MTMR8: variants seen among roughly 807,000 people sequenced by gnomAD.
The protein encoded by MTMR8 is myotubularin related protein 8, also known as phosphatidylinositol-3,5-bisphosphate 3-phosphatase MTMR8.
A neutral mutation model predicts 39.3 loss-of-function variants in MTMR8; 65 were observed. The observed-to-expected ratio is 1.65, with a 90% confidence interval of 1.35 to 2.03. The LOEUF (loss-of-function observed/expected upper bound fraction) is 2.03, where lower values mean the gene tolerates loss of function less well. Among genes scored for constraint, MTMR8 ranks in the 30% most tolerant of loss-of-function variants. MTMR8 has a pLI of 0.00. For missense variants in MTMR8, 777 were observed against 538.9 expected (o/e 1.44, Z -4.37); for synonymous variants, 245 against 185.2 (o/e 1.32, Z -2.62).
chrX:64,341,535 AGTATTAATAT>A (rs1923218566), intron 8 of MTMR8, among the ~76,000 whole-genome samples: 1 of 110,259 alleles, frequency 9.1e-6, no homozygotes, highest in Admixed American at 9.7e-5. Flanking sequence ...ATTTTCACAA[AGTATTAATAT>A]GTGTAACTCT....
At chrX:64,365,233 A>G (rs1353005941) in intron 1 of MTMR8, among the ~76,000 whole-genome samples, 47 of 111,343 alleles carry the variant, frequency 4.2e-4, no homozygotes, top group Non-Finnish European at 5.7e-5. Context: ...AGGGAGGCCA[A>G]CATTCAAATT....
intron 12 of MTMR8, among the ~76,000 whole-genome samples, chrX:64,318,725 T>TG (rs1555952408): frequency 9.5e-6 from 1 of 105,756 alleles, no homozygotes; most frequent in Non-Finnish European, 2.0e-5. Context: ...TTTTTTTTTT[T>TG]GAGATGGAGT....
intron 12 of MTMR8, among the ~76,000 whole-genome samples, chrX:64,316,821 G>A (rs1922479397): frequency 9.1e-6 from 1 of 110,047 alleles, no homozygotes; most frequent in South Asian, 3.9e-4. Context: ...GCTTTCAATA[G>A]TTTGTTAGGC....
At position 64,345,100 on chromosome X, in the gene MTMR8, G is replaced by C; in HGVS notation, c.810C>G (p.Phe270Leu). ...EDNYANIRFR[F>L]MGIENIHVMR... ...TTACATGGATGTTCTCAATGCCCAT[G>C]AATCTGAAGCGAATGTTGGCATAGT... Residue 270 changes from phenylalanine to leucine, a missense_variant, in exon 7 of 14, where the codon TTC (phenylalanine) becomes TTG (leucine). Phe to Leu is a conservative substitution (Grantham distance 22). Transcript: ENST00000374852. The C allele has an allele frequency of 8.3e-7, 1 of 1,210,876 alleles. No individual in the cohort carries two copies. The highest frequency in any genetic ancestry group is 1.7e-5 in the African/African-American group (1 of 57,825).
At chrX:64,287,047 T>A (rs1372579216) in intron 12 of MTMR8, among the ~76,000 whole-genome samples, 1 of 111,782 alleles carries the variant, frequency 8.9e-6, no homozygotes, top group Non-Finnish European at 1.9e-5. Context: ...ATGACATGAT[T>A]GTATATCTAG....
intron 1 of MTMR8, among the ~76,000 whole-genome samples, chrX:64,376,556 G>T (rs1924274187): frequency 8.9e-6 from 1 of 112,168 alleles, no homozygotes; most frequent in African/African-American, 3.2e-5. Context: ...AAATTTCTAA[G>T]CAGCAAAGTG....
At chrX:64,384,743 G>A (rs1212226453) in intron 1 of MTMR8, among the ~76,000 whole-genome samples, 3 of 112,456 alleles carry the variant, frequency 2.7e-5, no homozygotes, top group Non-Finnish European at 3.8e-5. Flanking sequence ...CAGGGCCTTC[G>A]GCCTGACCCA....
chrX:64,317,745 T>A (rs1295166289), intron 12 of MTMR8, among the ~76,000 whole-genome samples: 1 of 112,292 alleles, frequency 8.9e-6, no homozygotes, highest in African/African-American at 3.2e-5. Flanking sequence ...TGGATTGCAT[T>A]TAGATCTGCT....
At chrX:64,303,687 AC>A (rs1921981303) in intron 12 of MTMR8, among the ~76,000 whole-genome samples, 1 of 112,502 alleles carries the variant, frequency 8.9e-6, no homozygotes, top group Admixed American at 9.4e-5. Flanking sequence ...TACAAAAACT[AC>A]TTTATCAGTC....
chrX:64,383,723 C>A (rs998867005), intron 1 of MTMR8, among the ~76,000 whole-genome samples: 2 of 110,755 alleles, frequency 1.8e-5, no homozygotes, highest in Non-Finnish European at 3.8e-5. Context: ...CTAAACCACT[C>A]ATGAGAGATG....
intron 1 of MTMR8, among the ~76,000 whole-genome samples, chrX:64,395,103 C>T (rs764445473): frequency 8.9e-5 from 10 of 111,987 alleles, no homozygotes; most frequent in Non-Finnish European, 1.7e-4. Context: ...GGGGCGGCGT[C>T]GCGTAAGGGG....
At chrX:64,300,809 A>G (rs1448321589) in intron 12 of MTMR8, among the ~76,000 whole-genome samples, 2 of 105,897 alleles carry the variant, frequency 1.9e-5, no homozygotes, top group African/African-American at 6.8e-5. Flanking sequence ...TTGTCTGTAA[A>G]GTATTTTATT....
chrX:64,283,224 T>C (rs1247426161), intron 12 of MTMR8, among the ~76,000 whole-genome samples: 3 of 111,763 alleles, frequency 2.7e-5, no homozygotes, highest in Non-Finnish European at 5.6e-5. Flanking sequence ...GCCTCGCTCA[T>C]TGCTAGCACA....
chrX:64,374,203 A>G (rs1011330331), intron 1 of MTMR8, among the ~76,000 whole-genome samples: 2 of 111,917 alleles, frequency 1.8e-5, no homozygotes, highest in African/African-American at 3.3e-5. Flanking sequence ...ATCCTGTGGT[A>G]AATGCCAAAA....
chrX:64,366,719 A>T (rs1261452356), intron 1 of MTMR8, among the ~76,000 whole-genome samples: 1 of 111,685 alleles, frequency 9.0e-6, no homozygotes, highest in Non-Finnish European at 1.9e-5. Flanking sequence ...GAGCAAACAC[A>T]TTCAAAAGCT....
chrX:64,364,034 G>A lies in MTMR8; in HGVS notation c.25-4507C>T, dbSNP rs758452882. ...CCTGCAAGGCAGCAGCCTGGCAGGG[G>A]GAGGGGTGTCCACCATTGCTGAGGC... On this transcript the variant is annotated intron_variant, in intron 1 of 13. Coordinates refer to ENST00000374852, the MANE Select transcript of MTMR8 (RefSeq NM_017677.4). Among the ~76,000 whole-genome samples, 6 of 112,572 alleles carry A rather than the reference G, an allele frequency of 5.3e-5. 1 individual carries two copies. In the South Asian group the frequency reaches 1.5e-3, roughly 28 times the overall value.
intron 11 of MTMR8, 26 bp from the exon 12 acceptor site, chrX:64,328,926 A>C (rs749277060): frequency 2.6e-5 from 31 of 1,175,724 alleles, no homozygotes; most frequent in Non-Finnish European, 3.5e-5. Flanking sequence ...AACAAGCCAA[A>C]AAATTAAAAG....
At chrX:64,328,983 A>C (rs1288175912) in intron 11 of MTMR8, 83 bp from the exon 12 acceptor site, 2 of 932,751 alleles carry the variant, frequency 2.1e-6, no homozygotes, top group Non-Finnish European at 2.8e-6. Flanking sequence ...ATAAGCAGCA[A>C]ATTTTACTAA....
chrX:64,331,415 G>A, intron 11 of MTMR8, 142 bp downstream of exon 11: 1 of 489,472 alleles, frequency 2.0e-6, no homozygotes, highest in Non-Finnish European at 3.5e-6. Flanking sequence ...AACATTGAGT[G>A]CTTTATGCTT....
Sources: allele counts gnomAD v4.1 joint callset (sites outside exome capture counted in the v4.1 genomes callset), GRCh38; gene constraint gnomAD v4.1.1; transcripts MANE v1.5; gene names NCBI Gene and HGNC (gene_info 2026-07-23, HGNC 2026-07-21).